Variants in LYPLAL1 observed in about 807,000 individuals in gnomAD.
LYPLAL1 encodes the protein lysophospholipase-like protein 1.
In LYPLAL1, 23 loss-of-function variants were observed where a neutral mutation model predicts 19.7. The observed-to-expected ratio is 1.17, with a 90% CI of 0.84 to 1.65. The LOEUF (loss-of-function observed/expected upper bound fraction) is 1.65. LYPLAL1 is among the 40% of genes most tolerant of loss of function. LYPLAL1 has a pLI of 0.00. For missense variants in LYPLAL1, 355 were observed against 279.4 expected (o/e 1.27, Z -1.93); for synonymous variants, 119 against 96.3 (o/e 1.24, Z -1.38).
At chr1:219,408,163 C>T in the LYPLAL1 span, among the ~76,000 whole-genome samples, 1 of 152,152 alleles carries the variant, frequency 6.6e-6, no homozygotes, top group East Asian at 1.9e-4. Flanking sequence ...CCAATAACCA[C>T]TCTTAAAGGT....
intron 3 of LYPLAL1, among the ~76,000 whole-genome samples, chr1:219,195,947 G>A (rs1657562876): frequency 2.6e-5 from 4 of 152,228 alleles, no homozygotes; most frequent in African/African-American, 9.6e-5. Context: ...TTCTGTTCCT[G>A]TGTTAGTTTG....
At chr1:219,430,320 A>G in the LYPLAL1 span, among the ~76,000 whole-genome samples, 1 of 144,318 alleles carries the variant, frequency 6.9e-6, no homozygotes, top group African/African-American at 2.6e-5. Flanking sequence ...GCTCTTTTCT[A>G]TAACCCAGGT....
At chr1:219,399,524 C>T in the LYPLAL1 span, among the ~76,000 whole-genome samples, 2 of 152,226 alleles carry the variant, frequency 1.3e-5, no homozygotes, top group Non-Finnish European at 1.5e-5. Flanking sequence ...TCTACCCATG[C>T]GCTGGCGAAG....
the LYPLAL1 span, among the ~76,000 whole-genome samples, chr1:219,321,395 T>C: frequency 4.6e-5 from 7 of 152,230 alleles, no homozygotes; most frequent in African/African-American, 1.7e-4. Context: ...GTAGGCTGCC[T>C]GTTCACTCTG....
chr1:219,359,088 G>T, the LYPLAL1 span, among the ~76,000 whole-genome samples: 1 of 152,074 alleles, frequency 6.6e-6, no homozygotes, highest in Non-Finnish European at 1.5e-5. Context: ...TTTTCCAGCT[G>T]TAGAAACCTT....
At chr1:219,268,535 G>A in the LYPLAL1 span, among the ~76,000 whole-genome samples, 77 of 152,310 alleles carry the variant, frequency 5.1e-4, 1 homozygote, top group South Asian at 0.015. Flanking sequence ...AGCTCATGTT[G>A]GGTCTTACAG....
chr1:219,212,664 C>T lies in LYPLAL1; in HGVS notation c.*936C>T, dbSNP rs1186883341. The T allele has an allele frequency of 1.3e-5, 2 of 151,984 alleles. No homozygotes were observed. Among genetic ancestry groups the T allele is most frequent in the African/African-American group, 4.8e-5 (2 of 41,410 alleles). 9.4% of individuals were successfully genotyped at this position (151,984 alleles called of 1,614,324 possible). ...CCCTATTTGTATAAATAGAATCATA[C>T]AATACCTGCCTGCTTTCATTCAACA... On this transcript the variant is annotated 3_prime_UTR_variant, in exon 5 of 5. Transcript: ENST00000366928.
chr1:219,220,153 T>C, the LYPLAL1 span, among the ~76,000 whole-genome samples: 1 of 152,090 alleles, frequency 6.6e-6, no homozygotes, highest in Non-Finnish European at 1.5e-5. Flanking sequence ...AAGGACTAGA[T>C]ACAAAAGGGA....
At chr1:219,402,904 T>G in the LYPLAL1 span, among the ~76,000 whole-genome samples, 1 of 151,976 alleles carries the variant, frequency 6.6e-6, no homozygotes, top group African/African-American at 2.4e-5. Flanking sequence ...AATATAGATA[T>G]TCCCAGGAAT....
the LYPLAL1 span, among the ~76,000 whole-genome samples, chr1:219,381,600 A>G: frequency 6.6e-6 from 1 of 152,208 alleles, no homozygotes; most frequent in Non-Finnish European, 1.5e-5. Context: ...TGGCTTAGTG[A>G]TATGGATTCT....
the LYPLAL1 span, among the ~76,000 whole-genome samples, chr1:219,429,699 C>G: frequency 1.3e-5 from 2 of 152,004 alleles, no homozygotes; most frequent in African/African-American, 2.4e-5. Flanking sequence ...AATTCCCAGG[C>G]CTATTTTCCC....
At chr1:219,184,166 T>G (rs1161512652) in intron 2 of LYPLAL1, among the ~76,000 whole-genome samples, 1 of 151,904 alleles carries the variant, frequency 6.6e-6, no homozygotes, top group Admixed American at 6.6e-5. Flanking sequence ...TTCTAATACA[T>G]ACACATGGTA....
chr1:219,314,225 A>G, the LYPLAL1 span, among the ~76,000 whole-genome samples: 20 of 152,302 alleles, frequency 1.3e-4, no homozygotes, highest in Admixed American at 5.2e-4. Context: ...CAAATCTACC[A>G]TCATTGGGCA....
the LYPLAL1 span, among the ~76,000 whole-genome samples, chr1:219,358,680 G>A: frequency 6.6e-6 from 1 of 152,052 alleles, no homozygotes; most frequent in Non-Finnish European, 1.5e-5. Flanking sequence ...AGAACAGCAT[G>A]GGGGAAACCT....
At chr1:219,249,018 G>T in the LYPLAL1 span, among the ~76,000 whole-genome samples, 1 of 151,840 alleles carries the variant, frequency 6.6e-6, no homozygotes. Context: ...AATATATTGG[G>T]ACCATTATTC....
At chr1:219,179,063 G>C in intron 1 of LYPLAL1, 84 bp from the exon 2 acceptor site, 1 of 848,848 alleles carries the variant, frequency 1.2e-6, no homozygotes, top group African/African-American at 1.7e-5. Context: ...TCCATCCTCT[G>C]TGTGACATAA....
At chr1:219,198,349 T>C (rs1187738921) in intron 3 of LYPLAL1, among the ~76,000 whole-genome samples, 1 of 152,022 alleles carries the variant, frequency 6.6e-6, no homozygotes, top group African/African-American at 2.4e-5. Context: ...TATATGTACA[T>C]ATTATATATG....
the LYPLAL1 span, among the ~76,000 whole-genome samples, chr1:219,230,302 G>C: frequency 6.6e-6 from 1 of 152,078 alleles, no homozygotes; most frequent in African/African-American, 2.4e-5. Context: ...TAGTAGAGAC[G>C]GGGTTTCACC....
chr1:219,231,533 G>A, the LYPLAL1 span, among the ~76,000 whole-genome samples: 1 of 151,932 alleles, frequency 6.6e-6, no homozygotes, highest in East Asian at 1.9e-4. Flanking sequence ...TGTATATGTG[G>A]GTGTGTATTT....
Sources: gnomAD v4.1 joint callset for allele counts (sites outside exome capture counted in the v4.1 genomes callset) on GRCh38, gnomAD v4.1.1 for gene constraint, MANE v1.5 for transcripts, NCBI Gene and HGNC (gene_info 2026-07-23, HGNC 2026-07-21) for gene names.